Variants in COL4A6 observed in about 807,000 individuals in gnomAD.
COL4A6 encodes the protein collagen alpha-6(IV) chain.
Under a neutral mutation model 126.7 loss-of-function variants are expected in COL4A6, and 59 were observed. The observed-to-expected ratio is 0.47, with a 90% confidence interval of 0.38 to 0.58. The LOEUF is 0.58. Ranked by LOEUF, COL4A6 falls within the 20% of genes least tolerant of loss-of-function variation. The pLI, the probability that COL4A6 is intolerant of heterozygous loss-of-function variation, is 0.00. For missense variants in COL4A6, 1,285 were observed against 1,337.3 expected, an observed-to-expected ratio of 0.96 and a Z score of 0.61; for synonymous variants, 547 against 496.6, an observed-to-expected ratio of 1.10 and a Z score of -1.35.
chrX:108,175,876 T>A, intron 28 of COL4A6, 79 bp from the exon 29 acceptor site: 1 of 856,391 alleles, frequency 1.2e-6, no homozygotes, highest in Non-Finnish European at 1.7e-6. Context: ...TTGAGTAACT[T>A]GCCCAAAGTC....
At chrX:108,375,378 T>C (rs1305446228) in intron 2 of COL4A6, among the ~76,000 whole-genome samples, 2 of 111,904 alleles carry the variant, frequency 1.8e-5, no homozygotes, top group Non-Finnish European at 3.8e-5. Flanking sequence ...AGAAAGAGTA[T>C]TATCCTAAAA....
intron 2 of COL4A6, among the ~76,000 whole-genome samples, chrX:108,335,331 T>C (rs2039404687): frequency 8.9e-6 from 1 of 112,157 alleles, no homozygotes. Context: ...CTACTATTTA[T>C]ATTCTTGGTT....
intron 2 of COL4A6, among the ~76,000 whole-genome samples, chrX:108,390,118 C>T (rs1305719211): frequency 3.6e-5 from 4 of 111,778 alleles, no homozygotes; most frequent in Non-Finnish European, 7.5e-5. Context: ...TGAAGGGGTT[C>T]CCTTTGTGGA....
At chrX:108,188,367 A>G (rs1039778067) in intron 21 of COL4A6, 150 bp downstream of exon 21, 3 of 500,202 alleles carry the variant, frequency 6.0e-6, no homozygotes, top group African/African-American at 4.9e-5. Flanking sequence ...AAGAGACTCT[A>G]TAGTCAGATT....
intron 2 of COL4A6, among the ~76,000 whole-genome samples, chrX:108,384,634 G>A (rs757474212): frequency 8.9e-6 from 1 of 111,765 alleles, no homozygotes; most frequent in African/African-American, 3.3e-5. Flanking sequence ...TGGTAGGCAT[G>A]AGAGAGAACA....
chrX:108,339,025 C>A (rs773019525), intron 2 of COL4A6, among the ~76,000 whole-genome samples: 1 of 111,479 alleles, frequency 9.0e-6, no homozygotes, highest in Non-Finnish European at 1.9e-5. Flanking sequence ...TGGCCACACA[C>A]CTGCTCTCTC....
rs2035037507 is a variant in COL4A6, at chrX:108,191,404, G to A, written c.1310C>T (p.Pro437Leu). ...RDGLPGPPGP[P>L]GPPSPEFETE... ...AATGAGTAACTTACTAGGTGGGCCT[G>A]GTGGACCTGGTGGGCCTGGCAAACC... Residue 437 changes from proline to leucine, a missense_variant, in exon 19 of 45, where the codon CCA becomes CTA. Pro to Leu is a moderately conservative substitution (Grantham distance 98). Transcript: ENST00000334504. 1 of 1,209,734 alleles carries A rather than the reference G, an allele frequency of 8.3e-7. No homozygotes were observed. Among genetic ancestry groups the A allele is most frequent in the East Asian group, 3.0e-5 (1 of 33,761 alleles).
intron 2 of COL4A6, among the ~76,000 whole-genome samples, chrX:108,414,715 C>T (rs1277518626): frequency 9.0e-6 from 1 of 110,797 alleles, no homozygotes; most frequent in African/African-American, 3.3e-5. Flanking sequence ...TCACTTGAGC[C>T]TGGGAAGTTG....
chrX:108,295,950 G>A (rs2038313871), intron 3 of COL4A6, among the ~76,000 whole-genome samples: 1 of 111,855 alleles, frequency 8.9e-6, no homozygotes, highest in South Asian at 3.7e-4. Context: ...ATCCTATTTG[G>A]TTATTACCTC....
intron 2 of COL4A6, among the ~76,000 whole-genome samples, chrX:108,393,844 A>C (rs2040892260): frequency 8.9e-6 from 1 of 112,414 alleles, no homozygotes; most frequent in Admixed American, 9.4e-5. Flanking sequence ...AAATTAGTTC[A>C]ACCATTGTGG....
At chrX:108,300,284 A>T (rs2038450371) in intron 3 of COL4A6, among the ~76,000 whole-genome samples, 1 of 111,310 alleles carries the variant, frequency 9.0e-6, no homozygotes. Flanking sequence ...ATTTTTTAAA[A>T]ATTAAAATGT....
chrX:108,160,416 T>C (rs2033885980), intron 43 of COL4A6, 47 bp downstream of exon 43: 1 of 1,136,024 alleles, frequency 8.8e-7, no homozygotes, highest in Non-Finnish European at 1.2e-6. Context: ...GCTGTTGGTG[T>C]TTGTGGGGAC....
intron 2 of COL4A6, among the ~76,000 whole-genome samples, chrX:108,328,211 T>C (rs917732521): frequency 9.0e-6 from 1 of 111,172 alleles, no homozygotes; most frequent in Non-Finnish European, 1.9e-5. Flanking sequence ...CATTTGCAAC[T>C]CCCAGTGAAG....
chrX:108,332,189 C>CT (rs1191929889), intron 2 of COL4A6, among the ~76,000 whole-genome samples: 20 of 111,727 alleles, frequency 1.8e-4, no homozygotes, highest in African/African-American at 6.5e-4. Flanking sequence ...TGATTCCATT[C>CT]TTTTTTGTGG....
chrX:108,214,355 C>T (rs972598519), intron 5 of COL4A6, 127 bp from the exon 6 acceptor site: 2 of 478,431 alleles, frequency 4.2e-6, no homozygotes, highest in Non-Finnish European at 7.3e-6. Flanking sequence ...TTAGCCCCAT[C>T]ATGTATGTTT....
At chrX:108,162,317 T>G (rs760055768) in intron 41 of COL4A6, among the ~76,000 whole-genome samples, 1 of 107,381 alleles carries the variant, frequency 9.3e-6, no homozygotes, top group Non-Finnish European at 1.9e-5. Context: ...ACCAATGCAC[T>G]CTCAGCCTCG....
chrX:108,427,107 T>C (rs1000375372), intron 2 of COL4A6, among the ~76,000 whole-genome samples: 1 of 111,888 alleles, frequency 8.9e-6, no homozygotes, highest in Non-Finnish European at 1.9e-5. Flanking sequence ...TAATGTCAAT[T>C]ACACCCCACA....
intron 2 of COL4A6, among the ~76,000 whole-genome samples, chrX:108,399,720 A>C: frequency 8.9e-6 from 1 of 111,830 alleles, no homozygotes; most frequent in East Asian, 2.8e-4. Flanking sequence ...TTTCATTATT[A>C]ACCATTTTGA....
chrX:108,206,328 G>T (rs1024610056), intron 9 of COL4A6, 190 bp downstream of exon 9: 30 of 549,823 alleles, frequency 5.5e-5, no homozygotes, highest in Non-Finnish European at 9.5e-5. Context: ...TGGATGGTCA[G>T]ATAGACTCTG....
Sources: allele counts gnomAD v4.1 joint callset (sites outside exome capture counted in the v4.1 genomes callset), GRCh38; gene constraint gnomAD v4.1.1; transcripts MANE v1.5; gene names NCBI Gene and HGNC (gene_info 2026-07-23, HGNC 2026-07-21).